ERN2: variants seen among roughly 807,000 people sequenced by gnomAD.
The protein encoded by ERN2 is serine/threonine-protein kinase/endoribonuclease IRE2.
In ERN2, 111 loss-of-function variants were observed where a neutral mutation model predicts 107.9. The observed-to-expected ratio is 1.03, with a 90% CI of 0.88 to 1.20. ERN2 has a LOEUF of 1.20. Ranked by LOEUF, ERN2 falls within the 50% of genes most tolerant of loss-of-function variation. ERN2 has a pLI of 0.00. For synonymous variants in ERN2, 524 were observed against 501.7 expected, an observed-to-expected ratio of 1.04 and a Z score of -0.59; for missense variants, 1,225 against 1,197.9, an observed-to-expected ratio of 1.02 and a Z score of -0.33.
chr16:23,700,754 G>C, intron 12 of ERN2, 50 bp from the exon 13 acceptor site: 1 of 1,564,960 alleles, frequency 6.4e-7, no homozygotes, highest in Non-Finnish European at 8.7e-7. Flanking sequence ...GCCCTGCCCC[G>C]TGATGGGCCC....
intron 13 of ERN2, among the ~76,000 whole-genome samples, chr16:23,699,436 G>A (rs1391979887): frequency 6.6e-6 from 1 of 152,148 alleles, no homozygotes; most frequent in Admixed American, 6.5e-5. Flanking sequence ...GATTGGTAAA[G>A]GCATGCAAGA....
At chr16:23,699,018 G>A (rs1311038851) in intron 13 of ERN2, among the ~76,000 whole-genome samples, 3 of 152,342 alleles carry the variant, frequency 2.0e-5, no homozygotes, top group Middle Eastern at 3.4e-3. Context: ...AGGTAAAGAT[G>A]AGCCAGACTC....
intron 11 of ERN2, 87 bp from the exon 12 acceptor site, chr16:23,701,201 TTA>T: frequency 1.4e-6 from 2 of 1,389,002 alleles, no homozygotes; most frequent in Non-Finnish European, 2.0e-6. Flanking sequence ...AGAGCTGGGC[TTA>T]GCTGAAGGGG....
chr16:23,695,329 C>T lies in ERN2; in HGVS notation c.1671G>A (p.Leu557=), dbSNP rs1162625094. 5 of 1,612,840 alleles carry T rather than the reference C, an allele frequency of 3.1e-6. No homozygotes were observed. Among genetic ancestry groups the T allele is most frequent in the Admixed American group, 1.7e-5 (1 of 59,810 alleles). ...GCAGCAGTTGAACTTCCCGCCGAAC[C>T]AGGCCAAAGCACTCGCGGAGGAGCC... The part of the protein sequence containing the change: ...VKRLLRECFG[L]VRREVQLLQE... Residue 557 remains leucine, a synonymous_variant, in exon 15 of 22, where the codon CTG becomes CTA. Coordinates refer to ENST00000256797, the MANE Select transcript of ERN2 (RefSeq NM_033266.4).
At chr16:23,713,021 GC>G in intron 1 of ERN2, 73 bp downstream of exon 1, 1 of 1,203,186 alleles carries the variant, frequency 8.3e-7, no homozygotes, top group Non-Finnish European at 1.1e-6. Context: ...CCGCGCCCTC[GC>G]CCCAAGTGCG....
intron 17 of ERN2, 44 bp downstream of exon 17, chr16:23,694,684 C>T (rs777964780): frequency 3.3e-6 from 5 of 1,514,438 alleles, no homozygotes; most frequent in East Asian, 4.7e-5. Flanking sequence ...ATTCCTGCAG[C>T]CTGGGGCAGC....
At chr16:23,697,520 C>T (rs1295450638) in intron 13 of ERN2, among the ~76,000 whole-genome samples, 1 of 152,124 alleles carries the variant, frequency 6.6e-6, no homozygotes, top group East Asian at 1.9e-4. Context: ...GACTCAGAGG[C>T]TCTTGTGTGT....
At position 23,692,289 on chromosome 16, in the gene ERN2, A is replaced by G; in HGVS notation, c.2143T>C (p.Tyr715His). The G allele has an allele frequency of 6.2e-7, 1 of 1,614,098 alleles. No homozygotes were observed. The highest frequency in any genetic ancestry group is 8.5e-7 in the Non-Finnish European group (1 of 1,180,036). Residue 715 changes from tyrosine to histidine, a missense_variant, in exon 18 of 22, where the codon TAC becomes CAC. By Grantham distance (83) the Tyr-to-His change is moderately conservative. Coordinates refer to ENST00000256797, the MANE Select transcript of ERN2 (RefSeq NM_033266.4). Reference sequence around the variant, plus strand: ...GGGTGGCTGCCACCAGAAAGCACGTAGTAGAACACGCAGCCTGCAGAGAAG... The same window carrying G: ...GGGTGGCTGCCACCAGAAAGCACGTGGTAGAACACGCAGCCTGCAGAGAAG... ...DIFSAGCVFYYVLSGGSHPFG... is the reference protein window; with the variant it reads ...DIFSAGCVFYHVLSGGSHPFG...
At chr16:23,711,103 TC>T in intron 1 of ERN2, 85 bp from the exon 2 acceptor site, 1 of 845,620 alleles carries the variant, frequency 1.2e-6, no homozygotes, top group Non-Finnish European at 2.0e-6. Flanking sequence ...TGGCCATGAC[TC>T]CCCTTCCCCC....
intron 1 of ERN2, chr16:23,712,185 T>C: frequency 4.0e-6 from 1 of 247,708 alleles, no homozygotes; most frequent in South Asian, 3.1e-5. Flanking sequence ...CTTTCTGGGC[T>C]TCAATTTTGT....
At chr16:23,702,367 C>T (rs1358165054) in intron 10 of ERN2, 23 bp downstream of exon 10, 3 of 1,611,072 alleles carry the variant, frequency 1.9e-6, no homozygotes, top group Admixed American at 1.7e-5. Context: ...CATCTACTCC[C>T]AATTTGAGCC....
chr16:23,696,090 C>T, intron 13 of ERN2, 112 bp from the exon 14 acceptor site: 1 of 761,594 alleles, frequency 1.3e-6, no homozygotes, highest in Non-Finnish European at 2.3e-6. Flanking sequence ...CCATGCTCAG[C>T]CTGGTGCAGT....
Position 23,701,084 on chromosome 16 carries a change from C to T in ERN2, c.1234G>A (p.Asp412Asn), listed in dbSNP as rs775892917. 51 of 1,613,944 alleles carry T rather than the reference C, an allele frequency of 3.2e-5. No individual in the cohort carries two copies. The East Asian group carries it at 1.1e-3, about 35-fold the overall frequency. Residue 412 changes from aspartate to asparagine, a missense_variant, in exon 12 of 22, where the codon GAC (aspartate) becomes AAC (asparagine). By Grantham distance (23) the Asp-to-Asn change is conservative. Coordinates refer to ENST00000256797, the MANE Select transcript of ERN2 (RefSeq NM_033266.4). ...LLSLSREKLW[D>N]SELHPEEKTP... The stretch of plus-strand genomic sequence containing the variant: ...TTTTCTTCTGGATGCAGCTCGGAGT[C>T]CCAAAGTTTCTCTCGGCTCAGGCTC...
At chr16:23,701,582 G>A (rs35631) in intron 11 of ERN2, among the ~76,000 whole-genome samples, 26,045 of 151,486 alleles carry the variant, frequency 0.17, 4,493 homozygotes, top group African/African-American at 0.45. Flanking sequence ...CAATTTTTAC[G>A]CTGAAGAAGA....
At chr16:23,709,246 T>C (rs1888740826) in intron 4 of ERN2, 3 of 451,788 alleles carry the variant, frequency 6.6e-6, no homozygotes, top group South Asian at 3.1e-5. Flanking sequence ...CAGTGAGCCT[T>C]GTGATCGTAC....
Position 23,700,561 on chromosome 16 carries a change from G to A in ERN2, c.1503C>T (p.Ala501=), listed in dbSNP as rs1960005677. The A allele has an allele frequency of 6.2e-7, 1 of 1,613,484 alleles. No homozygotes were observed. Among genetic ancestry groups the A allele is most frequent in the Non-Finnish European group, 8.5e-7 (1 of 1,179,784 alleles). Reference sequence around the variant, plus strand: ...CACCTTCAGGGTCGTCGAGTGGCTGGGCTTGCTTTGAGGGACTCTGAAGCC... The same window carrying A: ...CACCTTCAGGGTCGTCGAGTGGCTGAGCTTGCTTTGAGGGACTCTGAAGCC... ...QKRLQSPSKQ[A]QPLDDPEAEQ... The change falls in exon 13 of 22, where the codon GCC becomes GCT. Residue 501 remains alanine (A), a synonymous_variant. Transcript: ENST00000256797.
intron 4 of ERN2, among the ~76,000 whole-genome samples, chr16:23,707,703 A>C (rs1266357441): frequency 2.0e-5 from 3 of 152,122 alleles, no homozygotes; most frequent in Admixed American, 2.0e-4. Flanking sequence ...ATAGAGTGAG[A>C]CTCTGTCTCT....
At chr16:23,693,608 A>T (rs1304377194) in intron 17 of ERN2, among the ~76,000 whole-genome samples, 1 of 151,382 alleles carries the variant, frequency 6.6e-6, no homozygotes, top group African/African-American at 2.4e-5. Flanking sequence ...AAAAATATAT[A>T]TATATATAGG....
chr16:23,706,455 AC>A, intron 6 of ERN2, 24 bp from the exon 7 acceptor site: 1 of 1,522,098 alleles, frequency 6.6e-7, no homozygotes, highest in Non-Finnish European at 8.9e-7. Flanking sequence ...AAGCAAGATT[AC>A]CAGGAACGTC....
Sources: allele counts gnomAD v4.1 joint callset (sites outside exome capture counted in the v4.1 genomes callset), GRCh38; gene constraint gnomAD v4.1.1; transcripts MANE v1.5; gene names NCBI Gene and HGNC (gene_info 2026-07-23, HGNC 2026-07-21).